Variants in ATP9A observed in about 807,000 individuals in gnomAD.
ATP9A encodes ATPase phospholipid transporting 9A, also known as probable phospholipid-transporting ATPase IIA.
A neutral mutation model predicts 144.1 loss-of-function variants in ATP9A; 52 were observed. The ratio of observed to expected loss-of-function variants is 0.36; its 90% CI spans 0.29 to 0.45. The LOEUF (loss-of-function observed/expected upper bound fraction) is 0.45. Among genes scored for constraint, ATP9A ranks in the 20% least tolerant of loss-of-function variants. ATP9A has a pLI of 1.00. For synonymous variants in ATP9A, 582 were observed against 557.4 expected (o/e 1.04, Z -0.62); for missense variants, 947 against 1,392.7 (o/e 0.68, Z 5.09).
chr20:51,731,194 C>T (rs2077739502), intron 1 of ATP9A, among the ~76,000 whole-genome samples: 2 of 151,810 alleles, frequency 1.3e-5, no homozygotes, highest in African/African-American at 4.8e-5. Flanking sequence ...ATCCCAGCTA[C>T]TCGGGAGGCT....
intron 27 of ATP9A, among the ~76,000 whole-genome samples, chr20:51,602,689 C>T (rs191229126): frequency 9.2e-5 from 14 of 152,272 alleles, no homozygotes; most frequent in African/African-American, 2.9e-4. Flanking sequence ...TAAAACCTTC[C>T]TAAGGAGCTT....
chr20:51,622,177 A>G lies in ATP9A; in HGVS notation c.2017-5T>C. On this transcript the variant is annotated splice_region_variant and splice_polypyrimidine_tract_variant and intron_variant, in intron 18 of 27. Transcript: ENST00000338821. Reference sequence around the variant, plus strand: ...GTCCCCTGTCAGCATCCAAACCTGAAATCATGGCGTGACAGAGGTCCTGTT... The same window carrying G: ...GTCCCCTGTCAGCATCCAAACCTGAGATCATGGCGTGACAGAGGTCCTGTT... 6.2e-7 allele frequency: 1 copy of G among 1,613,350 alleles called. No homozygotes were observed. The highest frequency in any genetic ancestry group is 8.5e-7 in the Non-Finnish European group (1 of 1,179,342).
At chr20:51,736,149 C>T (rs2077761811) in intron 1 of ATP9A, among the ~76,000 whole-genome samples, 1 of 152,210 alleles carries the variant, frequency 6.6e-6, no homozygotes, top group Non-Finnish European at 1.5e-5. Context: ...AGGCAAAGAT[C>T]CGGAGGTGGG....
intron 19 of ATP9A, among the ~76,000 whole-genome samples, chr20:51,620,099 G>T (rs2077220474): frequency 6.6e-6 from 1 of 152,168 alleles, no homozygotes; most frequent in East Asian, 1.9e-4. Context: ...ACCTAGCAGG[G>T]ACTGGGCCAC....
chr20:51,676,060 A>T, intron 10 of ATP9A, 72 bp downstream of exon 10: 2 of 1,132,324 alleles, frequency 1.8e-6, no homozygotes, highest in Non-Finnish European at 2.6e-6. Flanking sequence ...TCCTATTTTA[A>T]TATCTCGTCA....
At chr20:51,699,389 G>A (rs374296863) in intron 4 of ATP9A, among the ~76,000 whole-genome samples, 2 of 145,070 alleles carry the variant, frequency 1.4e-5, no homozygotes, top group South Asian at 4.4e-4. Flanking sequence ...AATAATATAA[G>A]TGCACAACTC....
chr20:51,719,959 G>C (rs549348263), intron 3 of ATP9A, among the ~76,000 whole-genome samples: 6 of 152,190 alleles, frequency 3.9e-5, no homozygotes, highest in Admixed American at 3.9e-4. Context: ...TGAGGCAGGA[G>C]AATCACTTGA....
intron 7 of ATP9A, among the ~76,000 whole-genome samples, chr20:51,691,305 A>G (rs561269874): frequency 6.6e-6 from 1 of 152,316 alleles, no homozygotes; most frequent in Non-Finnish European, 1.5e-5. Flanking sequence ...TGTCTCTACT[A>G]AAAATACAAA....
At chr20:51,699,356 A>T (rs1322772436) in intron 4 of ATP9A, among the ~76,000 whole-genome samples, 1 of 144,878 alleles carries the variant, frequency 6.9e-6, no homozygotes, top group Non-Finnish European at 1.5e-5. Flanking sequence ...AAAAAAAAAG[A>T]ACTTAAAGAC....
chr20:51,608,518 C>G lies in ATP9A; in HGVS notation c.2745G>C (p.Lys915Asn), dbSNP rs776478224. The change falls in exon 25 of 28, where the codon AAG becomes AAC. Residue 915 changes from lysine to asparagine, a missense_variant and splice_region_variant. Physicochemically the swap from Lys to Asn is moderately conservative, Grantham distance 94. Around this residue, in one of 2 missense-constraint regions of ATP9A, gnomAD observed 177 missense variants for 344.9 expected, o/e 0.51. Transcript: ENST00000338821. Reference sequence around the variant, plus strand: ...GGAGGGACTGAAAAGCTAACAGAACCTTGAGAAGATCCTTGTAGAGCTCAG... The same window carrying G: ...GGAGGGACTGAAAAGCTAACAGAACGTTGAGAAGATCCTTGTAGAGCTCAG... The part of the protein sequence containing the change: ...LYPELYKDLL[K>N]GRPLSYKTFL... 1.3e-6 allele frequency: 2 copies of G among 1,588,868 alleles called. No homozygotes were observed. Among genetic ancestry groups the G allele is most frequent in the Admixed American group, 3.3e-5 (2 of 59,974 alleles).
chr20:51,671,961 G>A (rs1356389591), intron 11 of ATP9A, among the ~76,000 whole-genome samples: 3 of 152,058 alleles, frequency 2.0e-5, no homozygotes, highest in African/African-American at 4.8e-5. Context: ...ACCACGCCGG[G>A]CTAATTTTTT....
At chr20:51,687,474 G>A (rs2077528106) in intron 9 of ATP9A, among the ~76,000 whole-genome samples, 1 of 152,160 alleles carries the variant, frequency 6.6e-6, no homozygotes. Flanking sequence ...GTACTAGAGA[G>A]CAACAAAGAA....
chr20:51,693,468 C>T (rs769579083), intron 7 of ATP9A, among the ~76,000 whole-genome samples: 27 of 151,966 alleles, frequency 1.8e-4, no homozygotes, highest in African/African-American at 6.5e-4. Flanking sequence ...CAGCAAGCAC[C>T]GCAGAACTGA....
chr20:51,696,222 C>CA, intron 5 of ATP9A, 78 bp from the exon 6 acceptor site: 1 of 1,338,138 alleles, frequency 7.5e-7, no homozygotes, highest in South Asian at 1.2e-5. Flanking sequence ...CTTCCGCCCC[C>CA]ACCCCCAACC....
chr20:51,730,462 G>A (rs1196514078), intron 1 of ATP9A, among the ~76,000 whole-genome samples: 4 of 152,252 alleles, frequency 2.6e-5, no homozygotes, highest in South Asian at 2.1e-4. Context: ...CTGAGACTTC[G>A]TCTCAAAAAA....
rs768227361 is a variant in ATP9A at position 51,617,558 on chromosome 20, C to A, written c.2351-4G>T. Reference sequence around the variant, plus strand: ...CTGACGTCATTGCCTCCGTCCCCTGCGAGCCACACAGACCAGAGAGAAAAG... The same window carrying A: ...CTGACGTCATTGCCTCCGTCCCCTGAGAGCCACACAGACCAGAGAGAAAAG... On this transcript the variant is annotated splice_polypyrimidine_tract_variant and splice_region_variant and intron_variant, in intron 21 of 27. Coordinates refer to ENST00000338821, the MANE Select transcript of ATP9A (RefSeq NM_006045.3). 4 of 1,610,636 alleles carry A rather than the reference C, an allele frequency of 2.5e-6. No individual in the cohort carries two copies. Among genetic ancestry groups the A allele is most frequent in the Admixed American group, 1.7e-5 (1 of 59,596 alleles).
chr20:51,605,044 T>A (rs1367976766), intron 26 of ATP9A, 24 bp from the exon 27 acceptor site: 2 of 1,566,972 alleles, frequency 1.3e-6, no homozygotes, highest in Non-Finnish European at 1.7e-6. Context: ...AGAAGGGTAT[T>A]CCCCTCACCC....
intron 3 of ATP9A, among the ~76,000 whole-genome samples, chr20:51,716,416 G>A (rs540660841): frequency 6.6e-6 from 1 of 151,314 alleles, no homozygotes; most frequent in African/African-American, 2.4e-5. Context: ...GGGCAACATA[G>A]GGAGACCCCA....
intron 1 of ATP9A, among the ~76,000 whole-genome samples, chr20:51,745,949 C>A (rs538373786): frequency 6.6e-6 from 1 of 152,236 alleles, no homozygotes; most frequent in African/African-American, 2.4e-5. Context: ...CAAAGACAGA[C>A]TGGATAAAGA....
Sources: gnomAD v4.1 joint callset for allele counts (sites outside exome capture counted in the v4.1 genomes callset) on GRCh38, gnomAD v4.1.1 for gene constraint, gnomAD v4.1.1 regional missense constraint, MANE v1.5 for transcripts, NCBI Gene and HGNC (gene_info 2026-07-23, HGNC 2026-07-21) for gene names.